The following ARHGAP20 variants were observed in gnomAD, a reference collection of about 807,000 sequenced individuals.
ARHGAP20 encodes the protein rho GTPase-activating protein 20.
Under a neutral mutation model 73.7 loss-of-function variants are expected in ARHGAP20, and 34 were observed. The ratio of observed to expected loss-of-function variants is 0.46; its 90% CI spans 0.35 to 0.61. ARHGAP20 has a LOEUF of 0.61. Ranked by LOEUF, ARHGAP20 falls within the 20% of genes least tolerant of loss-of-function variation. The pLI is 0.00. For synonymous variants in ARHGAP20, 523 were observed against 518.2 expected (o/e 1.01, Z -0.13); for missense variants, 1,314 against 1,420.9 (o/e 0.92, Z 1.21).
intron 2 of ARHGAP20, among the ~76,000 whole-genome samples, chr11:110,645,977 G>A (rs950740809): frequency 6.6e-6 from 1 of 152,038 alleles, no homozygotes; most frequent in Non-Finnish European, 1.5e-5. Context: ...AAGGGGGAGA[G>A]AGGTAGGGGG....
chr11:110,683,058 T>C (rs1372089904), intron 2 of ARHGAP20, among the ~76,000 whole-genome samples: 2 of 151,894 alleles, frequency 1.3e-5, no homozygotes, highest in Non-Finnish European at 2.9e-5. Context: ...AACTTGGAGG[T>C]GGAGATGGAG....
intron 2 of ARHGAP20, among the ~76,000 whole-genome samples, chr11:110,671,866 T>A (rs1230506561): frequency 6.6e-6 from 1 of 152,036 alleles, no homozygotes; most frequent in African/African-American, 2.4e-5. Flanking sequence ...TCTACAAAGG[T>A]TCCAGAGTGA....
At chr11:110,702,883 G>A (rs1414341849) in intron 1 of ARHGAP20, among the ~76,000 whole-genome samples, 5 of 152,156 alleles carry the variant, frequency 3.3e-5, no homozygotes, top group Non-Finnish European at 7.4e-5. Flanking sequence ...CGAAATAAAA[G>A]AGGACACAAA....
In ARHGAP20 at chr11:110,578,022, A is replaced by G; in HGVS notation, c.*1348T>C. 1 of 985,440 alleles carries G rather than the reference A, an allele frequency of 1.0e-6. No homozygotes were observed. The highest frequency in any genetic ancestry group is 1.2e-6 in the Non-Finnish European group (1 of 829,920). 61.0% of individuals were successfully genotyped at this position (985,440 alleles called of 1,614,324 possible). On this transcript the variant is annotated 3_prime_UTR_variant, in exon 15 of 15. Transcript: ENST00000683387. The stretch of plus-strand genomic sequence containing the variant: ...GGCTCAGAGCAACTTCTTATAGGTT[A>G]GTAGTTAATGTGAAAGAAGATGCAC...
Position 110,577,218 on chromosome 11 carries a change from T to C in ARHGAP20, c.*2152A>G. 2 of 1,512,002 alleles carry C rather than the reference T, an allele frequency of 1.3e-6. No individual in the cohort carries two copies. Among genetic ancestry groups the C allele is most frequent in the Non-Finnish European group, 1.8e-6 (2 of 1,132,896 alleles). 93.7% of individuals were successfully genotyped at this position (1,512,002 alleles called of 1,614,324 possible). A position where few individuals can be genotyped will look rare whatever the true frequency, so the allele number is the denominator to read the frequency against. ...TAGTAAAATTTGTCAAGATATATTA[T>C]ACAAACTCAAAGCATTTTAGATAAA... On this transcript the variant is annotated 3_prime_UTR_variant, in exon 15 of 15. Transcript: ENST00000683387.
intron 3 of ARHGAP20, among the ~76,000 whole-genome samples, chr11:110,629,433 CTG>C (rs1193057146): frequency 2.6e-5 from 4 of 152,184 alleles, no homozygotes; most frequent in Non-Finnish European, 5.9e-5. Context: ...AAGGGAATAA[CTG>C]TTTTTTGAAA....
At chr11:110,648,093 A>G (rs186474394) in intron 2 of ARHGAP20, among the ~76,000 whole-genome samples, 44 of 149,196 alleles carry the variant, frequency 2.9e-4, no homozygotes, top group African/African-American at 1.1e-3. Flanking sequence ...TTTTTGTTTC[A>G]ACCTTTGGGA....
chr11:110,696,747 C>G (rs933150163), intron 1 of ARHGAP20, among the ~76,000 whole-genome samples: 1 of 151,508 alleles, frequency 6.6e-6, no homozygotes, highest in Admixed American at 6.6e-5. Flanking sequence ...TTTGGAGTCT[C>G]CAGTGTTTAT....
intron 2 of ARHGAP20, among the ~76,000 whole-genome samples, chr11:110,688,944 G>C (rs1372051505): frequency 6.6e-6 from 1 of 151,886 alleles, no homozygotes; most frequent in East Asian, 1.9e-4. Context: ...TCACTTGTTG[G>C]GATTTGGATA....
At chr11:110,603,461 A>AAC (rs1487670547) in intron 9 of ARHGAP20, among the ~76,000 whole-genome samples, 1 of 152,224 alleles carries the variant, frequency 6.6e-6, no homozygotes, top group African/African-American at 2.4e-5. Flanking sequence ...TAATTTTCAA[A>AAC]ACAATGAATG....
Position 110,639,307 on chromosome 11 carries a change from T to C in ARHGAP20, c.189-8515A>G, listed in dbSNP as rs138431100. On this transcript the variant is annotated intron_variant, in intron 2 of 14. Transcript: ENST00000683387. Reference sequence around the variant, plus strand: ...TCCAGTTAGCCACATTCCCTCTCTGTTACTTCTTTACTCTGTCTACTGAAC... The same window carrying C: ...TCCAGTTAGCCACATTCCCTCTCTGCTACTTCTTTACTCTGTCTACTGAAC... Among the ~76,000 whole-genome samples the C allele has an allele frequency of 5.0e-3, 755 of 151,698 alleles. 3 individuals carry two copies. Among genetic ancestry groups the C allele is most frequent in the South Asian group, 0.021 (101 of 4,768 alleles).
chr11:110,692,772 C>G (rs1188690644), intron 1 of ARHGAP20, among the ~76,000 whole-genome samples: 1 of 151,944 alleles, frequency 6.6e-6, no homozygotes, highest in Non-Finnish European at 1.5e-5. Context: ...AAAATTAATG[C>G]AGAACTATAA....
chr11:110,630,809 G>A lies in ARHGAP20; in HGVS notation c.189-17C>T. ...GGACTGTCCCTGTAACAGATCAAAT[G>A]CCACAGATCAGTCAAACGATCATCT... On this transcript the variant is annotated splice_polypyrimidine_tract_variant and intron_variant, in intron 2 of 14. Transcript: ENST00000683387. 6.2e-7 allele frequency: 1 copy of A among 1,605,096 alleles called. No individual in the cohort carries two copies. Among genetic ancestry groups the A allele is most frequent in the Admixed American group, 1.7e-5 (1 of 58,570 alleles).
At chr11:110,696,584 C>G (rs1450089516) in intron 1 of ARHGAP20, among the ~76,000 whole-genome samples, 1 of 145,480 alleles carries the variant, frequency 6.9e-6, no homozygotes, top group Non-Finnish European at 1.5e-5. Flanking sequence ...ATTCTAGATT[C>G]ATGTGCATGT....
chr11:110,593,695 C>CA (rs1947883627), intron 9 of ARHGAP20, among the ~76,000 whole-genome samples: 1 of 152,168 alleles, frequency 6.6e-6, no homozygotes, highest in Non-Finnish European at 1.5e-5. Context: ...GGGGGGATCC[C>CA]AGAAAGAAGA....
At chr11:110,711,936 G>A in intron 1 of ARHGAP20, 191 bp downstream of exon 1, 2 of 1,254,358 alleles carry the variant, frequency 1.6e-6, no homozygotes, top group South Asian at 3.5e-5. Context: ...GCGCTCTGCG[G>A]GAGGCGGCGG....
intron 2 of ARHGAP20, among the ~76,000 whole-genome samples, chr11:110,669,541 T>C (rs1308043911): frequency 6.6e-6 from 1 of 151,390 alleles, no homozygotes; most frequent in Non-Finnish European, 1.5e-5. Flanking sequence ...TCTAGGGATA[T>C]CAACTAAGCT....
intron 2 of ARHGAP20, among the ~76,000 whole-genome samples, chr11:110,662,924 A>G (rs763075934): frequency 5.3e-5 from 8 of 151,970 alleles, no homozygotes; most frequent in Non-Finnish European, 7.4e-5. Flanking sequence ...ACATCTTGTC[A>G]TATTAAAAAT....
intron 4 of ARHGAP20, among the ~76,000 whole-genome samples, chr11:110,622,465 T>C (rs1948650764): frequency 6.6e-6 from 1 of 152,252 alleles, no homozygotes; most frequent in Non-Finnish European, 1.5e-5. Flanking sequence ...TACATTATCA[T>C]GGTCCATTTG....
Sources: allele counts gnomAD v4.1 joint callset (sites outside exome capture counted in the v4.1 genomes callset), GRCh38; gene constraint gnomAD v4.1.1; transcripts MANE v1.5; gene names NCBI Gene and HGNC (gene_info 2026-07-23, HGNC 2026-07-21).